NAALADL2: variants seen among roughly 807,000 people sequenced by gnomAD.
NAALADL2 encodes inactive N-acetylated-alpha-linked acidic dipeptidase-like protein 2.
In NAALADL2, 76 loss-of-function variants were observed where a neutral mutation model predicts 87.2. That is an observed-to-expected ratio of 0.87 (90% CI 0.72 to 1.05). NAALADL2 has a LOEUF of 1.05. NAALADL2 is among the 50% of genes least tolerant of loss of function. The probability of loss-of-function intolerance (pLI) is 0.00; values close to 1 mark genes in which losing one functional copy is unlikely to be tolerated. For missense variants in NAALADL2, 1,089 were observed against 945.8 expected (o/e 1.15, Z -1.99); for synonymous variants, 354 against 331.0 (o/e 1.07, Z -0.75).
intron 1 of NAALADL2, among the ~76,000 whole-genome samples, chr3:175,012,687 T>A (rs1750009896): frequency 6.6e-6 from 1 of 152,062 alleles, no homozygotes; most frequent in African/African-American, 2.4e-5. Flanking sequence ...ATGCATTTAG[T>A]ATTGTCCATG....
At chr3:175,234,452 C>T (rs1745489621) in intron 3 of NAALADL2, among the ~76,000 whole-genome samples, 2 of 152,112 alleles carry the variant, frequency 1.3e-5, no homozygotes, top group South Asian at 4.1e-4. Context: ...GAGTCATTCA[C>T]ATTTTGCTCT....
chr3:175,218,676 T>C (rs1289402677), intron 2 of NAALADL2, among the ~76,000 whole-genome samples: 1 of 152,168 alleles, frequency 6.6e-6, no homozygotes, highest in Non-Finnish European at 1.5e-5. Flanking sequence ...AATATGTGCT[T>C]TATTTTGTCT....
chr3:175,307,929 C>T (rs1019318625), intron 4 of NAALADL2, among the ~76,000 whole-genome samples: 1 of 152,050 alleles, frequency 6.6e-6, no homozygotes, highest in Non-Finnish European at 1.5e-5. Context: ...ACAACATGAG[C>T]AAAACTTATT....
chr3:175,664,818 T>C (rs1029222753), intron 11 of NAALADL2, among the ~76,000 whole-genome samples: 3 of 152,152 alleles, frequency 2.0e-5, no homozygotes, highest in Non-Finnish European at 4.4e-5. Context: ...TATAATTACT[T>C]ATATTTGATT....
chr3:174,570,758 A>G (rs1714833968), intron 2 of NAALADL2, among the ~76,000 whole-genome samples: 1 of 152,126 alleles, frequency 6.6e-6, no homozygotes, highest in African/African-American at 2.4e-5. Context: ...TAGAAATTAT[A>G]TTTCCATCCT....
At chr3:175,169,633 G>T (rs954386540) in intron 2 of NAALADL2, among the ~76,000 whole-genome samples, 1 of 151,368 alleles carries the variant, frequency 6.6e-6, no homozygotes, top group South Asian at 2.1e-4. Flanking sequence ...GTTTTTATCC[G>T]TTTTTATTTT....
At chr3:174,693,644 G>T (rs1033178677) in intron 2 of NAALADL2, among the ~76,000 whole-genome samples, 1 of 152,138 alleles carries the variant, frequency 6.6e-6, no homozygotes, top group African/African-American at 2.4e-5. Flanking sequence ...TGGAATTGAA[G>T]AAGCAAGAAA....
chr3:174,854,565 A>G (rs1411655728), upstream of NAALADL2, among the ~76,000 whole-genome samples: 1 of 152,136 alleles, frequency 6.6e-6, no homozygotes, highest in Non-Finnish European at 1.5e-5. Context: ...AATTATGAAT[A>G]CTGGATGTGA....
At chr3:175,278,241 A>G (rs184442393) in intron 4 of NAALADL2, among the ~76,000 whole-genome samples, 154 of 152,316 alleles carry the variant, frequency 1.0e-3, no homozygotes, top group African/African-American at 3.6e-3. Context: ...CTCCACTATT[A>G]TATCTTCAGC....
chr3:175,287,687 A>G (rs937761391), intron 4 of NAALADL2, among the ~76,000 whole-genome samples: 27 of 152,174 alleles, frequency 1.8e-4, no homozygotes, highest in African/African-American at 6.3e-4. Flanking sequence ...AAGCCCTACA[A>G]TATCTGGTAT....
chr3:174,738,538 A>G (rs1015264384), intron 3 of NAALADL2, among the ~76,000 whole-genome samples: 4 of 152,190 alleles, frequency 2.6e-5, no homozygotes, highest in African/African-American at 9.7e-5. Flanking sequence ...TGGTAGGCCT[A>G]CGGGGAAAGA....
chr3:175,255,214 A>G (rs1300661318), intron 3 of NAALADL2, among the ~76,000 whole-genome samples: 1 of 152,230 alleles, frequency 6.6e-6, no homozygotes, highest in Non-Finnish European at 1.5e-5. Flanking sequence ...TAGAGTTTTT[A>G]CAGATACAGA....
intron 2 of NAALADL2, among the ~76,000 whole-genome samples, chr3:175,197,900 G>A (rs1221693738): frequency 3.3e-5 from 5 of 152,016 alleles, no homozygotes; most frequent in African/African-American, 9.7e-5. Flanking sequence ...GGTGAACCCT[G>A]CAACACAGTG....
chr3:174,983,277 T>C (rs1452846612), intron 1 of NAALADL2, among the ~76,000 whole-genome samples: 1 of 152,120 alleles, frequency 6.6e-6, no homozygotes, highest in African/African-American at 2.4e-5. Context: ...CAGCTTAGGA[T>C]GAGTTATTTT....
chr3:174,734,054 G>C (rs1732959167), intron 2 of NAALADL2, among the ~76,000 whole-genome samples: 1 of 152,116 alleles, frequency 6.6e-6, no homozygotes, highest in Admixed American at 6.5e-5. Context: ...CTGTCTATGG[G>C]ACTACTGGGT....
chr3:175,120,283 A>G (rs962889726), intron 2 of NAALADL2, among the ~76,000 whole-genome samples: 4 of 151,744 alleles, frequency 2.6e-5, no homozygotes, highest in African/African-American at 7.3e-5. Context: ...GTATAATGTA[A>G]TTAAAACCCC....
In NAALADL2 at chr3:174,726,904, C is replaced by T. The variant is rs182815104; in HGVS notation, c.-114-10737C>T. 3.5e-4 allele frequency among the ~76,000 whole-genome samples: 54 copies of T among 152,172 alleles called. No homozygotes were observed. The East Asian group carries it at 9.7e-3, about 27-fold the overall frequency. On this transcript the variant is annotated intron_variant, in intron 2 of 3. Transcript: ENST00000434257. ...GGCTCCTAATAAGTCCGTTTTATCT[C>T]CATGCTAGCCCCTTTCTGATTCACA...
At chr3:174,920,991 A>G (rs1475488922) in intron 1 of NAALADL2, among the ~76,000 whole-genome samples, 1 of 152,188 alleles carries the variant, frequency 6.6e-6, no homozygotes, top group Non-Finnish European at 1.5e-5. Flanking sequence ...TCACATGGTC[A>G]TGGTCCATGG....
rs143078346 is a variant in NAALADL2 at position 174,940,694 on chromosome 3, T to G, written c.43+81244T>G. On this transcript the variant is annotated intron_variant, in intron 1 of 13. Coordinates refer to ENST00000454872, the MANE Select transcript of NAALADL2 (RefSeq NM_207015.3). ...TTTATTACTGATTCAATTTTGGAGC[T>G]CATTATCGGTCTGATCAGGGAATTA... Among the ~76,000 whole-genome samples, 366 of 152,146 alleles carry G rather than the reference T, an allele frequency of 2.4e-3. 4 individuals are homozygous for G. Among genetic ancestry groups the G allele is most frequent in the African/African-American group, 8.4e-3 (350 of 41,528 alleles).
Sources: gnomAD v4.1 joint callset for allele counts (sites outside exome capture counted in the v4.1 genomes callset) on GRCh38, gnomAD v4.1.1 for gene constraint, MANE v1.5 for transcripts, NCBI Gene and HGNC (gene_info 2026-07-23, HGNC 2026-07-21) for gene names.